The following PIP4K2A variants were observed in gnomAD, a reference collection of about 807,000 sequenced individuals.
PIP4K2A encodes phosphatidylinositol 5-phosphate 4-kinase type-2 alpha.
PIP4K2A carries 14 observed loss-of-function variants against 42.9 expected under a neutral mutation model. The ratio of observed to expected loss-of-function variants is 0.33; its 90% CI spans 0.22 to 0.51. The LOEUF (loss-of-function observed/expected upper bound fraction) is 0.51, where lower values mean the gene tolerates loss of function less well. Ranked by LOEUF, PIP4K2A falls within the 20% of genes least tolerant of loss-of-function variation. The probability of loss-of-function intolerance (pLI) is 0.97; values close to 1 mark genes in which losing one functional copy is unlikely to be tolerated. For missense variants in PIP4K2A, 434 were observed against 519.8 expected, an observed-to-expected ratio of 0.83 and a Z score of 1.61; for synonymous variants, 192 against 192.2, an observed-to-expected ratio of 1.00 and a Z score of 0.01.
intron 1 of PIP4K2A, among the ~76,000 whole-genome samples, chr10:22,710,163 A>G (rs1833889787): frequency 6.6e-6 from 1 of 152,012 alleles, no homozygotes; most frequent in African/African-American, 2.4e-5. Context: ...CTGACGCTCC[A>G]CCAAGGACAC....
chr10:22,541,203 A>G (rs1319878348), intron 8 of PIP4K2A, among the ~76,000 whole-genome samples: 4 of 152,196 alleles, frequency 2.6e-5, no homozygotes, highest in Non-Finnish European at 5.9e-5. Context: ...AGGCCCTTCC[A>G]TGGGGGAGGA....
chr10:22,635,762 G>T (rs968441222), intron 1 of PIP4K2A, among the ~76,000 whole-genome samples: 13 of 152,176 alleles, frequency 8.5e-5, no homozygotes, highest in Admixed American at 7.2e-4. Context: ...TTTGAAGCAA[G>T]GATGAGGACT....
In PIP4K2A at chr10:22,536,730, A is replaced by AG. The variant is rs912552517; in HGVS notation, c.*470_*471insC. On this transcript the variant is annotated 3_prime_UTR_variant, in exon 10 of 10. Transcript: ENST00000376573. ...TTTCAACTCCAAAAAAAAAAAAAAA[A>AG]AAAAAAAACTGATCCACAGTTTGTT... The AG allele has an allele frequency of 2.0e-5, 3 of 148,690 alleles. No homozygotes were observed. The highest frequency in any genetic ancestry group is 4.5e-5 in the Non-Finnish European group (3 of 66,902). 9.2% of individuals were successfully genotyped at this position (148,690 alleles called of 1,614,324 possible). A position where few individuals can be genotyped will look rare whatever the true frequency, so the allele number is the denominator to read the frequency against.
intron 3 of PIP4K2A, among the ~76,000 whole-genome samples, chr10:22,595,427 A>G (rs1837611986): frequency 6.6e-6 from 1 of 152,142 alleles, no homozygotes; most frequent in Non-Finnish European, 1.5e-5. Context: ...TTTTATTATC[A>G]TTTACTTTCT....
At chr10:22,713,563 G>A (rs1465167756) in intron 1 of PIP4K2A, among the ~76,000 whole-genome samples, 1 of 152,236 alleles carries the variant, frequency 6.6e-6, no homozygotes, top group East Asian at 1.9e-4. Context: ...TATTTACATC[G>A]GCTGCTGCTT....
intron 1 of PIP4K2A, among the ~76,000 whole-genome samples, chr10:22,656,360 G>A (rs896338018): frequency 6.6e-6 from 1 of 152,190 alleles, no homozygotes; most frequent in Non-Finnish European, 1.5e-5. Flanking sequence ...CCCTGGACAC[G>A]ACAACTGCTT....
intron 1 of PIP4K2A, among the ~76,000 whole-genome samples, chr10:22,648,880 T>TG (rs1187337526): frequency 6.6e-6 from 1 of 152,176 alleles, no homozygotes; most frequent in Non-Finnish European, 1.5e-5. Context: ...CAGAGATACT[T>TG]GTGATCATCA....
At chr10:22,549,999 T>C (rs149619917) in intron 7 of PIP4K2A, among the ~76,000 whole-genome samples, 13 of 152,122 alleles carry the variant, frequency 8.5e-5, no homozygotes, top group Non-Finnish European at 1.5e-4. Flanking sequence ...AAAAGGTACA[T>C]TTTAAATGTT....
chr10:22,621,038 A>C (rs1339210555), intron 1 of PIP4K2A, among the ~76,000 whole-genome samples: 1 of 152,210 alleles, frequency 6.6e-6, no homozygotes, highest in Non-Finnish European at 1.5e-5. Context: ...AGAGATGCTA[A>C]ATGAAGCTAA....
At chr10:22,609,409 G>A (rs1399988173) in intron 2 of PIP4K2A, among the ~76,000 whole-genome samples, 1 of 152,228 alleles carries the variant, frequency 6.6e-6, no homozygotes, top group East Asian at 1.9e-4. Flanking sequence ...GATATTCATA[G>A]AGAACAATAT....
intron 1 of PIP4K2A, among the ~76,000 whole-genome samples, chr10:22,675,611 A>G (rs988536080): frequency 5.9e-5 from 9 of 152,118 alleles, no homozygotes; most frequent in Non-Finnish European, 8.8e-5. Flanking sequence ...AAACAAAAAC[A>G]CTGTTGAGGA....
intron 1 of PIP4K2A, among the ~76,000 whole-genome samples, chr10:22,700,198 A>C (rs192703502): frequency 6.6e-6 from 1 of 152,180 alleles, no homozygotes; most frequent in Non-Finnish European, 1.5e-5. Flanking sequence ...CTAGCTGCTG[A>C]TACTTGGAGG....
chr10:22,687,176 G>A lies in PIP4K2A; in HGVS notation c.144+27007C>T, dbSNP rs142720064. On this transcript the variant is annotated intron_variant, in intron 1 of 9. Coordinates refer to ENST00000376573, the MANE Select transcript of PIP4K2A (RefSeq NM_005028.5). ...AAAAAAAAAGGATGAAGGAAATGTC[G>A]ACCTCAGATGAAAGAGAAACCCTTC... 8.7e-4 allele frequency among the ~76,000 whole-genome samples: 130 copies of A among 150,282 alleles called. No homozygotes were observed. The Middle Eastern group carries it at 0.01, about 12-fold the overall frequency.
In PIP4K2A at chr10:22,664,158, T is replaced by TATACATATATATACAC. The variant is rs1554807275; in HGVS notation, c.144+50024_144+50025insGTGTATATATATGTAT. 1.5e-4 allele frequency among the ~76,000 whole-genome samples: 10 copies of TATACATATATATACAC among 68,054 alleles called. 1 individual carries two copies. Among genetic ancestry groups the TATACATATATATACAC allele is most frequent in the Non-Finnish European group, 2.3e-4 (9 of 39,560 alleles). The allele number at this position is 68,054 out of a possible 152,430, so 44.6% of individuals were successfully genotyped here. ...ATATATATACATATATATACACATA[T>TATACATATATATACAC]ATATATATACATATATATATATACA... is the stretch of plus-strand genomic sequence containing the variant. On this transcript the variant is annotated intron_variant, in intron 1 of 9. Transcript: ENST00000376573.
intron 1 of PIP4K2A, among the ~76,000 whole-genome samples, chr10:22,634,459 G>A (rs991704908): frequency 2.0e-5 from 3 of 152,296 alleles, no homozygotes; most frequent in African/African-American, 7.2e-5. Flanking sequence ...TATCCGTTTT[G>A]GCCGAGTTCT....
chr10:22,660,817 CAA>C (rs1276360391), intron 1 of PIP4K2A, among the ~76,000 whole-genome samples: 4 of 139,638 alleles, frequency 2.9e-5, no homozygotes, highest in East Asian at 2.1e-4. Context: ...TACTTTAAAG[CAA>C]AAAAAAAAAA....
chr10:22,602,965 C>T (rs1256883565), intron 3 of PIP4K2A, among the ~76,000 whole-genome samples: 1 of 152,146 alleles, frequency 6.6e-6, no homozygotes, highest in Non-Finnish European at 1.5e-5. Context: ...AGTGAGAAAT[C>T]TACAAGTGAA....
chr10:22,703,446 T>A (rs1013085517), intron 1 of PIP4K2A, among the ~76,000 whole-genome samples: 2 of 151,916 alleles, frequency 1.3e-5, no homozygotes, highest in African/African-American at 4.8e-5. Context: ...GGAAAAACAT[T>A]CCCGACGAAG....
chr10:22,703,541 T>A (rs1208014318), intron 1 of PIP4K2A, among the ~76,000 whole-genome samples: 5 of 152,140 alleles, frequency 3.3e-5, no homozygotes, highest in African/African-American at 1.2e-4. Flanking sequence ...AACATAGGAA[T>A]CATGAAGAGG....
Sources: allele counts gnomAD v4.1 joint callset (sites outside exome capture counted in the v4.1 genomes callset), GRCh38; gene constraint gnomAD v4.1.1; transcripts MANE v1.5; gene names NCBI Gene and HGNC (gene_info 2026-07-23, HGNC 2026-07-21).